Variants in DNAJA1 observed in about 807,000 individuals in gnomAD.
The protein encoded by DNAJA1 is DnaJ heat shock protein family (Hsp40) member A1, also known as dnaJ homolog subfamily A member 1.
Under a neutral mutation model 47.6 loss-of-function variants are expected in DNAJA1, and 26 were observed. The ratio of observed to expected loss-of-function variants is 0.55; its 90% CI spans 0.40 to 0.76. DNAJA1 has a LOEUF of 0.76. DNAJA1 is among the 30% of genes least tolerant of loss of function. The pLI, the probability that DNAJA1 is intolerant of heterozygous loss-of-function variation, is 0.00. For synonymous variants in DNAJA1, 165 were observed against 158.4 expected (o/e 1.04, Z -0.31); for missense variants, 315 against 485.0 (o/e 0.65, Z 3.29).
At chr9:33,026,289 ATTAT>A (rs1489763632) in intron 1 of DNAJA1, among the ~76,000 whole-genome samples, 182 bp from the exon 2 acceptor site, 3 of 152,204 alleles carry the variant, frequency 2.0e-5, no homozygotes, top group Non-Finnish European at 1.5e-5. Context: ...CCCGATAATG[ATTAT>A]TTGTTTTGTC....
intron 3 of DNAJA1, 65 bp downstream of exon 3, chr9:33,027,055 G>GA: frequency 6.3e-7 from 1 of 1,576,124 alleles, no homozygotes; most frequent in Non-Finnish European, 8.6e-7. Flanking sequence ...AGATCTTTGA[G>GA]AAATCACCCA....
intron 3 of DNAJA1, 126 bp downstream of exon 3, chr9:33,027,116 T>TCAGAGGCAATTTG: frequency 8.7e-7 from 1 of 1,152,964 alleles, no homozygotes; most frequent in Non-Finnish European, 1.2e-6. Context: ...TGACCACAAA[T>TCAGAGGCAATTTG]TGCCTCTGAT....
intron 8 of DNAJA1, 50 bp from the exon 9 acceptor site, chr9:33,038,635 A>G (rs1839070540): frequency 6.5e-7 from 1 of 1,549,220 alleles, no homozygotes; most frequent in African/African-American, 1.4e-5. Context: ...ATGATACTCT[A>G]AGGGAGCTAA....
chr9:33,026,918 G>T lies in DNAJA1; in HGVS notation c.238G>T (p.Gly80Cys). 1 of 1,614,166 alleles carries T rather than the reference G, an allele frequency of 6.2e-7. No individual in the cohort carries two copies. The highest frequency in any genetic ancestry group is 2.2e-5 in the East Asian group (1 of 44,892). ...AATTAAAGAGGGTGGAGCAGGTGGC[G>T]GTTTTGGCTCCCCCATGGACATCTT... is the stretch of plus-strand genomic sequence containing the variant. ...QAIKEGGAGGGFGSPMDIFDM... is the reference protein window; with the variant it reads ...QAIKEGGAGGCFGSPMDIFDM... Residue 80 changes from glycine (G) to cysteine (C), a missense_variant, in exon 3 of 9, where the codon GGT becomes TGT. Around this residue, in one of 4 missense-constraint regions of DNAJA1, gnomAD observed 100 missense variants for 163.0 expected, o/e 0.61. Coordinates refer to ENST00000330899, the MANE Select transcript of DNAJA1 (RefSeq NM_001539.4).
intron 3 of DNAJA1, among the ~76,000 whole-genome samples, chr9:33,028,710 C>G (rs1261118342): frequency 1.3e-5 from 2 of 152,284 alleles, no homozygotes; most frequent in East Asian, 1.9e-4. Context: ...GGCTTATGAT[C>G]ATATTGAGAG....
Position 33,025,307 on chromosome 9 carries a change from G to A in DNAJA1, c.-87G>A, listed in dbSNP as rs1020321983. The A allele has an allele frequency of 6.6e-6, 1 of 152,492 alleles. No individual in the cohort carries two copies. Among genetic ancestry groups the A allele is most frequent in the Non-Finnish European group, 1.5e-5 (1 of 68,056 alleles). The allele number at this position is 152,492 out of a possible 1,614,324, so 9.4% of individuals were successfully genotyped here. A position where few individuals can be genotyped will look rare whatever the true frequency, so the allele number is the denominator to read the frequency against. ...TCCAGAACGCTCGGTGAGAGGCGGA[G>A]GAGCGGTAACTACCCCGGCTGCGCA... On this transcript the variant is annotated 5_prime_UTR_variant, in exon 1 of 9. Coordinates refer to ENST00000330899, the MANE Select transcript of DNAJA1 (RefSeq NM_001539.4).
chr9:33,034,382 G>GT, intron 6 of DNAJA1, 52 bp downstream of exon 6: 2 of 1,463,016 alleles, frequency 1.4e-6, no homozygotes, highest in Non-Finnish European at 1.9e-6. Flanking sequence ...TGGGTTGTTG[G>GT]TTTTGTTTTT....
chr9:33,038,672 G>GT lies in DNAJA1; in HGVS notation c.976-10dup. On this transcript the variant is annotated splice_polypyrimidine_tract_variant and intron_variant, in intron 8 of 8. Coordinates refer to ENST00000330899, the MANE Select transcript of DNAJA1 (RefSeq NM_001539.4). ...GATGAAATCAGATTGAACAGTGAAAGTTTCTTTTGAAGGTAAACTTTCCTG... is the reference window on the plus strand; with the variant it reads ...GATGAAATCAGATTGAACAGTGAAAGTTTTCTTTTGAAGGTAAACTTTCCTG... 6.2e-7 allele frequency: 1 copy of GT among 1,611,960 alleles called. No homozygotes were observed. Among genetic ancestry groups the GT allele is most frequent in the Non-Finnish European group, 8.5e-7 (1 of 1,178,742 alleles).
chr9:33,032,562 T>C (rs1838976898), intron 5 of DNAJA1, among the ~76,000 whole-genome samples: 1 of 152,230 alleles, frequency 6.6e-6, no homozygotes, highest in East Asian at 1.9e-4. Flanking sequence ...CTATCAACAA[T>C]GGACTGTAAG....
rs1432034596 is a variant in DNAJA1, at chr9:33,030,774, TATCA to T, written c.643+112_643+115del. 6 of 980,918 alleles carry T rather than the reference TATCA, an allele frequency of 6.1e-6. No individual in the cohort carries two copies. The Admixed American group carries it at 8.1e-5, about 13-fold the overall frequency. 60.8% of individuals were successfully genotyped at this position (980,918 alleles called of 1,614,324 possible). The stretch of plus-strand genomic sequence containing the variant: ...TTCTTAATTAGGTTATATATGATCC[TATCA>T]ATCAGAAATAACTCTTAGCAGCTTA... On this transcript the variant is annotated intron_variant, in intron 5 of 8. Transcript: ENST00000330899.
At chr9:33,032,743 TATG>T (rs1336034277) in intron 5 of DNAJA1, among the ~76,000 whole-genome samples, 4 of 152,222 alleles carry the variant, frequency 2.6e-5, no homozygotes, top group African/African-American at 7.2e-5. Context: ...TTTGTCAGTG[TATG>T]ATACTGATAG....
At chr9:33,038,495 T>A (rs1009488950) in intron 8 of DNAJA1, among the ~76,000 whole-genome samples, 190 bp from the exon 9 acceptor site, 13 of 152,224 alleles carry the variant, frequency 8.5e-5, no homozygotes, top group African/African-American at 3.1e-4. Flanking sequence ...TGACTTCTGG[T>A]CATAATCCTT....
chr9:33,034,443 C>T (rs907350329), intron 6 of DNAJA1, 113 bp downstream of exon 6: 1 of 741,308 alleles, frequency 1.3e-6, no homozygotes, highest in African/African-American at 1.8e-5. Flanking sequence ...GAACCTATTT[C>T]TCAGGAAGAT....
At chr9:33,030,384 TTAC>T in intron 4 of DNAJA1, 53 bp from the exon 5 acceptor site, 1 of 1,504,622 alleles carries the variant, frequency 6.6e-7, no homozygotes, top group Non-Finnish European at 9.1e-7. Flanking sequence ...CTTAAAACAT[TTAC>T]TACTGTATAC....
At chr9:33,038,633 C>G in intron 8 of DNAJA1, 52 bp from the exon 9 acceptor site, 1 of 1,546,182 alleles carries the variant, frequency 6.5e-7, no homozygotes, top group East Asian at 2.3e-5. Context: ...CCATGATACT[C>G]TAAGGGAGCT....
At chr9:33,028,258 CTATT>C (rs1288852803) in intron 3 of DNAJA1, among the ~76,000 whole-genome samples, 2 of 152,096 alleles carry the variant, frequency 1.3e-5, no homozygotes, top group African/African-American at 2.4e-5. Flanking sequence ...TGCCATCTAT[CTATT>C]CTTGTTTCAG....
At chr9:33,032,816 T>C (rs1308064929) in intron 5 of DNAJA1, among the ~76,000 whole-genome samples, 2 of 152,128 alleles carry the variant, frequency 1.3e-5, no homozygotes, top group African/African-American at 2.4e-5. Flanking sequence ...ATGGATATAG[T>C]TGGAGTTTGC....
At chr9:33,038,538 C>G (rs1213295475) in intron 8 of DNAJA1, 147 bp from the exon 9 acceptor site, 1 of 672,372 alleles carries the variant, frequency 1.5e-6, no homozygotes, top group East Asian at 2.7e-5. Flanking sequence ...ATGCACTGTG[C>G]CTTTTTAGAG....
chr9:33,033,806 T>G (rs1467703956), intron 5 of DNAJA1, among the ~76,000 whole-genome samples: 2 of 152,258 alleles, frequency 1.3e-5, no homozygotes, highest in African/African-American at 4.8e-5. Flanking sequence ...GTGTTATAAG[T>G]AATGAAACTG....
Sources: gnomAD v4.1 joint callset for allele counts (sites outside exome capture counted in the v4.1 genomes callset) on GRCh38, gnomAD v4.1.1 for gene constraint, gnomAD v4.1.1 regional missense constraint, MANE v1.5 for transcripts, NCBI Gene and HGNC (gene_info 2026-07-23, HGNC 2026-07-21) for gene names.